Variants in FAM117B observed in about 807,000 individuals in gnomAD.
The protein encoded by FAM117B is protein FAM117B.
In FAM117B, 22 loss-of-function variants were observed where a neutral mutation model predicts 52.8. That is an observed-to-expected ratio of 0.42 (90% CI 0.30 to 0.59). The LOEUF is 0.59. Among genes scored for constraint, FAM117B ranks in the 20% least tolerant of loss-of-function variants. The probability of loss-of-function intolerance (pLI) is 0.22; values close to 1 mark genes in which losing one functional copy is unlikely to be tolerated. For synonymous variants in FAM117B, 309 were observed against 324.1 expected (o/e 0.95, Z 0.50); for missense variants, 678 against 802.6 (o/e 0.84, Z 1.88).
At chr2:202,640,293 AAAATATATAT>A (rs1220405804) in intron 1 of FAM117B, among the ~76,000 whole-genome samples, 3,161 of 61,610 alleles carry the variant, frequency 0.051, 258 homozygotes, top group Non-Finnish European at 0.071. Context: ...CCACCACCAC[AAAATATATAT>A]ATATATATAT....
At chr2:202,679,041 TATC>T (rs1182035988) in intron 1 of FAM117B, among the ~76,000 whole-genome samples, 3 of 152,190 alleles carry the variant, frequency 2.0e-5, no homozygotes, top group Admixed American at 6.5e-5. Context: ...CCTATAACAA[TATC>T]ATAATAATAT....
At chr2:202,635,975 C>CCCCGCCCGCCCG (rs1284563584) in intron 1 of FAM117B, among the ~76,000 whole-genome samples, 187 bp downstream of exon 1, 1 of 133,610 alleles carries the variant, frequency 7.5e-6, no homozygotes, top group Non-Finnish European at 1.6e-5. Context: ...CTACCCTACG[C>CCCCGCCCGCCCG]CCCGCCCGCC....
intron 4 of FAM117B, among the ~76,000 whole-genome samples, chr2:202,754,177 A>G (rs1691765151): frequency 6.6e-6 from 1 of 152,242 alleles, no homozygotes; most frequent in Admixed American, 6.5e-5. Flanking sequence ...CATATACTTC[A>G]TGGAATACTA....
intron 7 of FAM117B, 123 bp from the exon 8 acceptor site, chr2:202,765,323 C>G: frequency 1.1e-6 from 1 of 951,594 alleles, no homozygotes; most frequent in Non-Finnish European, 1.6e-6. Flanking sequence ...GTTTTATATT[C>G]CTTTTCTGTG....
chr2:202,690,689 A>G (rs897650063), intron 1 of FAM117B, among the ~76,000 whole-genome samples: 1 of 152,220 alleles, frequency 6.6e-6, no homozygotes, highest in Non-Finnish European at 1.5e-5. Context: ...CTGCAAGTCC[A>G]TGGTCTTAGT....
intron 3 of FAM117B, 193 bp downstream of exon 3, chr2:202,725,202 C>A (rs1691222275): frequency 2.5e-6 from 1 of 400,628 alleles, no homozygotes; most frequent in Non-Finnish European, 4.6e-6. Flanking sequence ...ATATCACTTA[C>A]CTGATTATGT....
chr2:202,753,730 C>T (rs1314235567), intron 4 of FAM117B, among the ~76,000 whole-genome samples: 2 of 151,076 alleles, frequency 1.3e-5, no homozygotes, highest in Non-Finnish European at 2.9e-5. Context: ...TAAAAGAAGA[C>T]ATTTACACGG....
chr2:202,657,759 T>A (rs1466947667), intron 1 of FAM117B, among the ~76,000 whole-genome samples: 1 of 152,160 alleles, frequency 6.6e-6, no homozygotes, highest in African/African-American at 2.4e-5. Flanking sequence ...ACTGGGATTA[T>A]AGGTGTAAGC....
At chr2:202,724,241 C>T (rs748258916) in intron 2 of FAM117B, among the ~76,000 whole-genome samples, 2 of 152,006 alleles carry the variant, frequency 1.3e-5, no homozygotes. Context: ...GACAAGGTTT[C>T]ACCATGCTGG....
chr2:202,685,440 A>C (rs1358454407), intron 1 of FAM117B, among the ~76,000 whole-genome samples: 1 of 152,202 alleles, frequency 6.6e-6, no homozygotes, highest in Non-Finnish European at 1.5e-5. Flanking sequence ...AGTTAACATC[A>C]TATTTTTTTC....
intron 4 of FAM117B, among the ~76,000 whole-genome samples, chr2:202,731,332 A>AAC (rs1553522256): frequency 6.5e-4 from 20 of 30,760 alleles, no homozygotes; most frequent in Non-Finnish European, 1.8e-3. Flanking sequence ...GAGAAATTGG[A>AAC]ATATATATAT....
intron 2 of FAM117B, among the ~76,000 whole-genome samples, chr2:202,697,919 G>GAGT (rs1258893897): frequency 1.5e-4 from 23 of 152,122 alleles, no homozygotes; most frequent in African/African-American, 5.5e-4. Flanking sequence ...AGGCTGGATG[G>GAGT]AGTACAGGGG....
intron 1 of FAM117B, among the ~76,000 whole-genome samples, chr2:202,654,514 A>G (rs1030741778): frequency 7.2e-5 from 11 of 152,086 alleles, no homozygotes; most frequent in African/African-American, 2.7e-4. Context: ...TTTTTTTAAT[A>G]CTGGAAAATT....
intron 1 of FAM117B, among the ~76,000 whole-genome samples, chr2:202,686,249 A>T (rs1690535701): frequency 6.6e-6 from 1 of 152,192 alleles, no homozygotes; most frequent in Non-Finnish European, 1.5e-5. Context: ...GAAATGAAAA[A>T]GTATGACAAT....
In FAM117B at chr2:202,635,176, A is replaced by AG. The variant is rs927921762; in HGVS notation, c.-4dup. On this transcript the variant is annotated 5_prime_UTR_variant, in exon 1 of 8. Coordinates refer to ENST00000392238, the MANE Select transcript of FAM117B (RefSeq NM_173511.4). ...CCCCCGTCTCGCCCAGTCACCGGGGAGGGGGGGGACCATGTCCCAGCGGGT... is the reference window on the plus strand; with the variant it reads ...CCCCCGTCTCGCCCAGTCACCGGGGAGGGGGGGGGACCATGTCCCAGCGGGT... 140 of 1,263,986 alleles carry AG rather than the reference A, an allele frequency of 1.1e-4. No individual in the cohort carries two copies. The highest frequency in any genetic ancestry group is 3.6e-4 in the African/African-American group (23 of 63,862). The allele number at this position is 1,263,986 out of a possible 1,614,324, so 78.3% of individuals were successfully genotyped here.
chr2:202,671,787 A>G (rs1272438504), intron 1 of FAM117B, among the ~76,000 whole-genome samples: 1 of 152,184 alleles, frequency 6.6e-6, no homozygotes, highest in Non-Finnish European at 1.5e-5. Flanking sequence ...GCTTTGCATT[A>G]GGGTGGTTAC....
intron 2 of FAM117B, among the ~76,000 whole-genome samples, chr2:202,707,922 C>G (rs776618275): frequency 1.4e-4 from 22 of 151,982 alleles, no homozygotes; most frequent in Non-Finnish European, 1.6e-4. Flanking sequence ...AGTGTGCCAG[C>G]ATGCCCAGCT....
At chr2:202,729,306 C>A (rs1277897670) in intron 4 of FAM117B, among the ~76,000 whole-genome samples, 2 of 151,804 alleles carry the variant, frequency 1.3e-5, no homozygotes, top group African/African-American at 4.8e-5. Context: ...TGCACTCCAG[C>A]CTGGGTGACA....
chr2:202,728,148 A>G (rs371652241), intron 4 of FAM117B, among the ~76,000 whole-genome samples: 3 of 151,780 alleles, frequency 2.0e-5, no homozygotes, highest in East Asian at 1.9e-4. Flanking sequence ...CCTGGCTAAT[A>G]TTTTTTATTT....
Sources: allele counts gnomAD v4.1 joint callset (sites outside exome capture counted in the v4.1 genomes callset), GRCh38; gene constraint gnomAD v4.1.1; transcripts MANE v1.5; gene names NCBI Gene and HGNC (gene_info 2026-07-23, HGNC 2026-07-21).